CSMD3: variants seen among roughly 807,000 people sequenced by gnomAD.
CSMD3 encodes the protein CUB and Sushi multiple domains 3, also known as CUB and sushi domain-containing protein 3.
A neutral mutation model predicts 435.2 loss-of-function variants in CSMD3; 177 were observed. The ratio of observed to expected loss-of-function variants is 0.41; its 90% confidence interval spans 0.36 to 0.46. The LOEUF (loss-of-function observed/expected upper bound fraction) is 0.46. Among genes scored for constraint, CSMD3 ranks in the 20% least tolerant of loss-of-function variants. The pLI, the probability that CSMD3 is intolerant of heterozygous loss-of-function variation, is 0.34. For missense variants in CSMD3, 4,265 were observed against 4,504.6 expected, an observed-to-expected ratio of 0.95 and a Z score of 1.52; for synonymous variants, 1,656 against 1,520.5, an observed-to-expected ratio of 1.09 and a Z score of -2.07.
rs1285976600 is a variant in CSMD3 at position 113,211,703 on chromosome 8, TA to T, written c.515-37788del. The stretch of plus-strand genomic sequence containing the variant: ...GACTCCGTCTCAAAAAATAAATAAA[TA>T]AATAAATAATAAAAGCATGCAAAGT... On this transcript the variant is annotated intron_variant, in intron 3 of 70. Transcript: ENST00000297405. 3.9e-5 allele frequency among the ~76,000 whole-genome samples: 6 copies of T among 151,984 alleles called. No individual in the cohort carries two copies. In the East Asian group the frequency reaches 1.2e-3, roughly 29 times the overall value.
intron 10 of CSMD3, among the ~76,000 whole-genome samples, chr8:112,918,833 C>T (rs2082646973): frequency 6.6e-6 from 1 of 151,886 alleles, no homozygotes; most frequent in Admixed American, 6.6e-5. Flanking sequence ...ATGCAATACA[C>T]AGACAGAAGC....
At position 112,829,885 on chromosome 8, in the gene CSMD3, G is replaced by GCACA. The variant is rs57982384; in HGVS notation, c.1756-100_1756-97dup. The GCACA allele has an allele frequency of 3.8e-3, 2,273 of 599,800 alleles. 1 individual carries two copies. The highest frequency in any genetic ancestry group is 8.0e-3 in the Middle Eastern group (19 of 2,370). The allele number at this position is 599,800 out of a possible 1,614,324, so 37.2% of individuals were successfully genotyped here. A position where few individuals can be genotyped will look rare whatever the true frequency, so the allele number is the denominator to read the frequency against. On this transcript the variant is annotated intron_variant, in intron 11 of 70. Coordinates refer to ENST00000297405, the MANE Select transcript of CSMD3 (RefSeq NM_198123.2). The stretch of plus-strand genomic sequence containing the variant: ...ACAGAAATGCATTCTTTGTCTCTCT[G>GCACA]CACACACACACACACACACACACAC...
chr8:112,488,883 T>C (rs755436692), intron 31 of CSMD3, among the ~76,000 whole-genome samples: 2 of 152,102 alleles, frequency 1.3e-5, no homozygotes, highest in African/African-American at 2.4e-5. Context: ...GGGGCCATCA[T>C]AGCAATCAGA....
intron 3 of CSMD3, among the ~76,000 whole-genome samples, chr8:113,261,083 A>C (rs1351826803): frequency 6.6e-6 from 1 of 152,078 alleles, no homozygotes; most frequent in Non-Finnish European, 1.5e-5. Context: ...GAATCTTTAC[A>C]GTTCTTGACA....
At chr8:113,072,892 C>T (rs2131412301) in intron 5 of CSMD3, among the ~76,000 whole-genome samples, 1 of 151,808 alleles carries the variant, frequency 6.6e-6, no homozygotes, top group East Asian at 1.9e-4. Context: ...ACTAAATTTT[C>T]AAGCTTCTGT....
At chr8:113,303,524 A>G (rs1454567804) in intron 2 of CSMD3, among the ~76,000 whole-genome samples, 10 of 150,784 alleles carry the variant, frequency 6.6e-5, no homozygotes, top group Non-Finnish European at 1.0e-4. Context: ...CTACAAGGCT[A>G]CAGTAACCAA....
intron 21 of CSMD3, among the ~76,000 whole-genome samples, chr8:112,638,423 A>C (rs1459791944): frequency 6.6e-6 from 1 of 150,936 alleles, no homozygotes; most frequent in Non-Finnish European, 1.5e-5. Flanking sequence ...AGAATTTTTC[A>C]GGATTGTAAA....
At chr8:113,411,049 AAGAT>A (rs1341666466) in intron 1 of CSMD3, among the ~76,000 whole-genome samples, 4 of 151,464 alleles carry the variant, frequency 2.6e-5, no homozygotes, top group African/African-American at 7.3e-5. Flanking sequence ...GAAGAGGAGA[AAGAT>A]AGGAAGGAAG....
At chr8:113,020,169 C>CAAAAAAA (rs1163891165) in intron 5 of CSMD3, among the ~76,000 whole-genome samples, 1 of 84,632 alleles carries the variant, frequency 1.2e-5, no homozygotes, top group East Asian at 3.2e-4. Flanking sequence ...GACTCCGTCT[C>CAAAAAAA]AAAAAAAAAA....
In CSMD3 at chr8:113,070,580, T is replaced by C. The variant is rs1447644017; in HGVS notation, c.917+28176A>G. On this transcript the variant is annotated intron_variant, in intron 5 of 70. Transcript: ENST00000297405. ...ATATTCATCTTGCATAAATGAAACT[T>C]TGTACTCTTTGACCAACAACTCCCA... Among the ~76,000 whole-genome samples the C allele has an allele frequency of 2.6e-5, 4 of 151,680 alleles. No homozygotes were observed. In the South Asian group the frequency reaches 6.2e-4, roughly 24 times the overall value.
intron 13 of CSMD3, among the ~76,000 whole-genome samples, chr8:112,694,606 A>G (rs1009760715): frequency 7.2e-5 from 11 of 152,140 alleles, no homozygotes; most frequent in African/African-American, 2.7e-4. Context: ...TAGACTGGAA[A>G]CAATACACAG....
chr8:112,667,868 GTT>G (rs1223873132), intron 16 of CSMD3, among the ~76,000 whole-genome samples: 1 of 151,948 alleles, frequency 6.6e-6, no homozygotes, highest in Non-Finnish European at 1.5e-5. Context: ...TTACCCATGT[GTT>G]TATATTTTTC....
chr8:112,983,159 G>A (rs1406661863), intron 6 of CSMD3, among the ~76,000 whole-genome samples: 1 of 151,790 alleles, frequency 6.6e-6, no homozygotes, highest in East Asian at 1.9e-4. Context: ...AAATTTGTGG[G>A]TGGGGTTCCC....
intron 32 of CSMD3, among the ~76,000 whole-genome samples, chr8:112,467,461 C>T (rs1818073052): frequency 6.6e-6 from 1 of 152,086 alleles, no homozygotes; most frequent in Admixed American, 6.5e-5. Context: ...TGTCAGTTTG[C>T]AGTCCACACA....
chr8:112,492,442 T>C (rs546771954), intron 31 of CSMD3, 47 bp downstream of exon 31: 3 of 1,447,980 alleles, frequency 2.1e-6, no homozygotes, highest in Middle Eastern at 1.7e-4. Flanking sequence ...AAATATTTTT[T>C]GATTTTTTCT....
chr8:113,145,282 G>GT, intron 4 of CSMD3, among the ~76,000 whole-genome samples: 1 of 151,662 alleles, frequency 6.6e-6, no homozygotes, highest in Middle Eastern at 3.4e-3. Flanking sequence ...TGTTTGAGAT[G>GT]TAGTGGCCTT....
intron 4 of CSMD3, among the ~76,000 whole-genome samples, chr8:113,139,356 TG>T (rs1187565471): frequency 1.3e-5 from 2 of 151,104 alleles, no homozygotes; most frequent in Admixed American, 6.6e-5. Context: ...TAACACTGGT[TG>T]TAAATATATG....
chr8:113,372,888 T>C (rs1295931203), intron 1 of CSMD3, among the ~76,000 whole-genome samples: 1 of 148,196 alleles, frequency 6.7e-6, no homozygotes. Context: ...GAGCCGAGAT[T>C]GCGCCACTGC....
At chr8:113,193,911 A>G (rs376873124) in intron 3 of CSMD3, among the ~76,000 whole-genome samples, 1 of 151,442 alleles carries the variant, frequency 6.6e-6, no homozygotes, top group East Asian at 1.9e-4. Flanking sequence ...TATTTAGCAA[A>G]TGTATTGAAT....
Sources: gnomAD v4.1 joint callset for allele counts (sites outside exome capture counted in the v4.1 genomes callset) on GRCh38, gnomAD v4.1.1 for gene constraint, MANE v1.5 for transcripts, NCBI Gene and HGNC (gene_info 2026-07-23, HGNC 2026-07-21) for gene names.